Variants in SPOP observed in about 807,000 individuals in gnomAD.
SPOP encodes the protein speckle-type POZ protein.
SPOP carries 11 observed loss-of-function variants against 45.6 expected under a neutral mutation model. That is an observed-to-expected ratio of 0.24 (90% confidence interval 0.15 to 0.40). SPOP has a LOEUF of 0.40. Among genes scored for constraint, SPOP ranks in the 10% least tolerant of loss-of-function variants. The pLI is 1.00. For synonymous variants in SPOP, 166 were observed against 166.3 expected (o/e 1.00, Z 0.01); for missense variants, 152 against 465.6 (o/e 0.33, Z 6.20).
chr17:49,646,573 C>A (rs2072762926), intron 1 of SPOP: 1 of 152,158 alleles, frequency 6.6e-6, no homozygotes, highest in Non-Finnish European at 1.5e-5. Context: ...ATTTCCACCC[C>A]CATCCTCCTT....
intron 1 of SPOP, among the ~76,000 whole-genome samples, chr17:49,639,840 T>C (rs1384423637): frequency 1.3e-5 from 2 of 152,132 alleles, no homozygotes; most frequent in Non-Finnish European, 2.9e-5. Flanking sequence ...TTCTTCCAGG[T>C]GCTGGCAATG....
chr17:49,610,373 G>A (rs746279592), intron 6 of SPOP, among the ~76,000 whole-genome samples: 6 of 152,014 alleles, frequency 3.9e-5, no homozygotes, highest in Non-Finnish European at 8.8e-5. Flanking sequence ...CGCATGCCAC[G>A]ATGCCCAGCT....
chr17:49,613,166 A>G (rs1002878681), intron 5 of SPOP, among the ~76,000 whole-genome samples: 1 of 152,066 alleles, frequency 6.6e-6, no homozygotes, highest in African/African-American at 2.4e-5. Flanking sequence ...TAAGACCTCT[A>G]ATTTGCTTCT....
chr17:49,651,968 G>A (rs868019252), intron 1 of SPOP, among the ~76,000 whole-genome samples: 22 of 151,250 alleles, frequency 1.5e-4, no homozygotes, highest in African/African-American at 4.1e-4. Context: ...GCAATGAGCC[G>A]AAATCGTGCC....
intron 2 of SPOP, 131 bp from the exon 3 acceptor site, chr17:49,622,198 T>C: frequency 8.5e-7 from 1 of 1,180,526 alleles, no homozygotes. Context: ...TTTTCAGGTT[T>C]TTCTCACCTT....
At position 49,621,963 on chromosome 17, in the gene SPOP, T is replaced by C. The variant is rs1254155223; in HGVS notation, c.183A>G (p.Ala61=). The C allele has an allele frequency of 6.8e-6, 11 of 1,613,970 alleles. No homozygotes were observed. In the Middle Eastern group the frequency reaches 6.6e-4, roughly 97 times the overall value. The change falls in exon 3 of 10, where the codon GCA becomes GCG. Residue 61 remains alanine, a synonymous_variant. Coordinates refer to ENST00000504102, the MANE Select transcript of SPOP (RefSeq NM_001007228.2). The part of the protein sequence containing the change: ...VIKSSTFSSG[A]NDKLKWCLRV... ...TTCCTCACCATTTCAGTTTATCATT[T>C]GCTCCTGATGAAAATGTAGAACTTT...
chr17:49,637,997 C>T (rs988915855), intron 1 of SPOP, among the ~76,000 whole-genome samples: 5 of 152,220 alleles, frequency 3.3e-5, no homozygotes, highest in East Asian at 1.9e-4. Flanking sequence ...AGGCACACGC[C>T]ACCATGCCTG....
intron 1 of SPOP, among the ~76,000 whole-genome samples, chr17:49,660,443 C>G (rs77264320): frequency 6.6e-6 from 1 of 152,108 alleles, no homozygotes; most frequent in Non-Finnish European, 1.5e-5. Flanking sequence ...TTTTTCGGGT[C>G]GTATTTTTCT....
rs1193964859 is a variant in SPOP, at chr17:49,630,070, G to T, written c.-66-7194C>A. On this transcript the variant is annotated intron_variant, in intron 1 of 9. Transcript: ENST00000504102. ...AAAGCCTCTCTCTCTGCTTTCTTCT[G>T]GTTTAAAGCTTTGTACAGTTTCCAA... Among the ~76,000 whole-genome samples the T allele has an allele frequency of 3.3e-5, 5 of 152,188 alleles. No individual in the cohort carries two copies. The East Asian group carries it at 9.6e-4, about 29-fold the overall frequency.
chr17:49,669,105 C>T (rs915082187), intron 1 of SPOP, among the ~76,000 whole-genome samples: 7 of 139,422 alleles, frequency 5.0e-5, no homozygotes, highest in Admixed American at 7.5e-5. Flanking sequence ...CTTGCTCTGT[C>T]GCCCAGGCGG....
intron 1 of SPOP, among the ~76,000 whole-genome samples, chr17:49,644,329 TAGA>T (rs1353152971): frequency 6.6e-6 from 1 of 152,212 alleles, no homozygotes; most frequent in African/African-American, 2.4e-5. Context: ...TTTCAAAGTA[TAGA>T]AGGTTTTCCT....
At chr17:49,605,746 G>A (rs998137374) in intron 8 of SPOP, among the ~76,000 whole-genome samples, 9 of 151,674 alleles carry the variant, frequency 5.9e-5, no homozygotes, top group Admixed American at 6.6e-5. Context: ...CCAGCACTTT[G>A]GGAGGCAGAG....
In SPOP at chr17:49,619,191, T is replaced by C. The variant is rs773673548; in HGVS notation, c.352+43A>G. The C allele has an allele frequency of 6.2e-7, 1 of 1,613,898 alleles. No individual in the cohort carries two copies. Among genetic ancestry groups the C allele is most frequent in the Non-Finnish European group, 8.5e-7 (1 of 1,179,950 alleles). Reference sequence around the variant, plus strand: ...ACAACTTGTCAGTGTATGAAACTTCTGGATGTGAAACTTAAGAGTTGAACA... The same window carrying C: ...ACAACTTGTCAGTGTATGAAACTTCCGGATGTGAAACTTAAGAGTTGAACA... On this transcript the variant is annotated intron_variant, in intron 4 of 9. Transcript: ENST00000504102. This position sits in a 1 kb window ranked among gnomAD's most constrained non-coding sequence, Gnocchi z 4.9.
At chr17:49,675,699 A>G (rs752492566) in intron 1 of SPOP, among the ~76,000 whole-genome samples, 1 of 152,252 alleles carries the variant, frequency 6.6e-6, no homozygotes, top group Non-Finnish European at 1.5e-5. Flanking sequence ...ATGAGGCTTC[A>G]GTGAATTCAA....
intron 6 of SPOP, among the ~76,000 whole-genome samples, chr17:49,608,242 G>A (rs974540320): frequency 2.0e-5 from 3 of 151,978 alleles, no homozygotes; most frequent in African/African-American, 7.3e-5. Flanking sequence ...GTATAGATTT[G>A]GGGTTCAAAT....
At chr17:49,606,873 T>C (rs896258317) in intron 8 of SPOP, among the ~76,000 whole-genome samples, 4 of 152,200 alleles carry the variant, frequency 2.6e-5, no homozygotes, top group Non-Finnish European at 5.9e-5. Flanking sequence ...GTTTTACTGA[T>C]AAAGTTTAAA....
At chr17:49,673,006 T>A (rs2073155979) in intron 1 of SPOP, among the ~76,000 whole-genome samples, 1 of 151,862 alleles carries the variant, frequency 6.6e-6, no homozygotes, top group Admixed American at 6.6e-5. Context: ...TTAAAGAGAC[T>A]AAAGAGATAT....
At chr17:49,658,048 T>C (rs1406182269) in intron 1 of SPOP, among the ~76,000 whole-genome samples, 4 of 152,300 alleles carry the variant, frequency 2.6e-5, no homozygotes, top group Middle Eastern at 3.4e-3. Context: ...AAATTCATTA[T>C]TGGGAAATTG....
chr17:49,605,575 A>G (rs2071823962), intron 8 of SPOP, among the ~76,000 whole-genome samples: 1 of 152,074 alleles, frequency 6.6e-6, no homozygotes, highest in Admixed American at 6.6e-5. Context: ...CTGTAATCTC[A>G]GCTACTCGGG....
Sources: gnomAD v4.1 joint callset for allele counts (sites outside exome capture counted in the v4.1 genomes callset) on GRCh38, gnomAD v4.1.1 for gene constraint, Gnocchi (gnomAD v3.1) non-coding constraint, MANE v1.5 for transcripts, NCBI Gene and HGNC (gene_info 2026-07-23, HGNC 2026-07-21) for gene names.